Variants in SAMD3 observed in about 807,000 individuals in gnomAD.
The protein encoded by SAMD3 is sterile alpha motif domain-containing protein 3.
A neutral mutation model predicts 58.5 loss-of-function variants in SAMD3; 63 were observed. The ratio of observed to expected loss-of-function variants is 1.08; its 90% CI spans 0.88 to 1.33. SAMD3 has a LOEUF of 1.33. SAMD3 is among the 40% of genes most tolerant of loss of function. The pLI is 0.00. For missense variants in SAMD3, 604 were observed against 608.4 expected, an observed-to-expected ratio of 0.99 and a Z score of 0.08; for synonymous variants, 220 against 210.3, an observed-to-expected ratio of 1.05 and a Z score of -0.40.
intron 2 of SAMD3, among the ~76,000 whole-genome samples, chr6:130,256,238 G>A (rs1176102791): frequency 6.6e-6 from 1 of 151,738 alleles, no homozygotes; most frequent in Non-Finnish European, 1.5e-5. Context: ...CAGGCTTCTT[G>A]TATTTTAGCA....
chr6:130,304,791 T>C (rs185744149), intron 2 of SAMD3, among the ~76,000 whole-genome samples: 5 of 152,268 alleles, frequency 3.3e-5, no homozygotes, highest in Admixed American at 3.3e-4. Flanking sequence ...TCTAAAAAGA[T>C]GGCGTATCAC....
intron 2 of SAMD3, among the ~76,000 whole-genome samples, chr6:130,248,733 C>T (rs1773641598): frequency 6.6e-6 from 1 of 152,128 alleles, no homozygotes; most frequent in African/African-American, 2.4e-5. Flanking sequence ...AGTAATAAGG[C>T]AGGCTCTCCT....
At chr6:130,153,178 G>A (rs1294286973) in intron 9 of SAMD3, among the ~76,000 whole-genome samples, 2 of 147,712 alleles carry the variant, frequency 1.4e-5, no homozygotes, top group Non-Finnish European at 3.0e-5. Flanking sequence ...AAGTTTGACA[G>A]GCTTTTGCTT....
At chr6:130,182,078 A>C (rs77139668) in intron 7 of SAMD3, among the ~76,000 whole-genome samples, 1,576 of 151,682 alleles carry the variant, frequency 0.01, 33 homozygotes, top group African/African-American at 0.034. Context: ...AAAAAAAAAA[A>C]AAAAAAAAAC....
At chr6:130,350,654 A>C (rs1777623906) in intron 1 of SAMD3, among the ~76,000 whole-genome samples, 1 of 152,216 alleles carries the variant, frequency 6.6e-6, no homozygotes, top group African/African-American at 2.4e-5. Context: ...TGCCCAAGGT[A>C]ATTTATAGAT....
Position 130,331,643 on chromosome 6 carries a change from C to T in SAMD3, c.-303-18550G>A, listed in dbSNP as rs372198608. Among the ~76,000 whole-genome samples, 34 of 152,174 alleles carry T rather than the reference C, an allele frequency of 2.2e-4. No individual in the cohort carries two copies. The East Asian group carries it at 4.2e-3, about 19-fold the overall frequency. On this transcript the variant is annotated intron_variant, in intron 1 of 13. Transcript: ENST00000368134. ...CTGAGGCTGGAGAGTCGCTTGAACC[C>T]GGGAGGCCGAGGTTGCAGTGAGCTA...
At chr6:130,230,064 C>A (rs1796499433) in intron 2 of SAMD3, among the ~76,000 whole-genome samples, 2 of 152,134 alleles carry the variant, frequency 1.3e-5, no homozygotes, top group South Asian at 4.1e-4. Flanking sequence ...TTATGTAATA[C>A]AATTTGTGGT....
intron 2 of SAMD3, among the ~76,000 whole-genome samples, chr6:130,311,023 T>G (rs1466839005): frequency 2.0e-5 from 3 of 152,144 alleles, no homozygotes; most frequent in Non-Finnish European, 2.9e-5. Context: ...CTTGGATGTA[T>G]GGCTCCAGCG....
chr6:130,239,419 A>T (rs1773278691), intron 2 of SAMD3, among the ~76,000 whole-genome samples: 1 of 152,182 alleles, frequency 6.6e-6, no homozygotes, highest in Non-Finnish European at 1.5e-5. Flanking sequence ...TGATGGAAAA[A>T]TTTACAAATA....
intron 1 of SAMD3, among the ~76,000 whole-genome samples, chr6:130,347,601 T>C (rs1777496528): frequency 6.6e-6 from 1 of 152,128 alleles, no homozygotes; most frequent in Admixed American, 6.5e-5. Flanking sequence ...CTACGTCTGA[T>C]TGGTGTACCT....
intron 2 of SAMD3, among the ~76,000 whole-genome samples, chr6:130,260,319 A>G (rs187105945): frequency 5.3e-5 from 8 of 152,324 alleles, no homozygotes; most frequent in South Asian, 2.1e-4. Flanking sequence ...GATGTTATCT[A>G]TAGATTCCAG....
chr6:130,215,405 TTAAGC>T, intron 2 of SAMD3, 111 bp from the exon 3 acceptor site: 3 of 1,224,216 alleles, frequency 2.5e-6, no homozygotes, highest in Non-Finnish European at 3.1e-6. Context: ...CTTCTCAATG[TTAAGC>T]TTTTTTAAAA....
At chr6:130,292,274 T>TC (rs1192045466) in intron 2 of SAMD3, among the ~76,000 whole-genome samples, 2 of 147,522 alleles carry the variant, frequency 1.4e-5, no homozygotes. Flanking sequence ...TTTCTTTCTT[T>TC]TTTTTTTTTT....
At chr6:130,365,803 G>T, upstream of SAMD3, 3 of 985,462 alleles carry the variant, frequency 3.0e-6, no homozygotes, top group Non-Finnish European at 3.6e-6. Context: ...GACGCGGATC[G>T]GCCGGCCTGG....
intron 2 of SAMD3, among the ~76,000 whole-genome samples, chr6:130,232,776 G>T (rs750700462): frequency 9.9e-5 from 15 of 152,134 alleles, no homozygotes; most frequent in African/African-American, 3.6e-4. Context: ...AGCATTTATT[G>T]CTCCTTTATT....
intron 2 of SAMD3, among the ~76,000 whole-genome samples, chr6:130,309,122 A>T (rs182302473): frequency 8.5e-4 from 130 of 152,324 alleles, no homozygotes; most frequent in African/African-American, 3.1e-3. Flanking sequence ...ATTAGACAAG[A>T]GACAGAGTAT....
chr6:130,350,820 A>G (rs964027359), intron 1 of SAMD3, among the ~76,000 whole-genome samples: 1 of 152,226 alleles, frequency 6.6e-6, no homozygotes, highest in Non-Finnish European at 1.5e-5. Flanking sequence ...ACCTGACTTC[A>G]AACTATACTA....
intron 2 of SAMD3, among the ~76,000 whole-genome samples, chr6:130,238,884 G>A (rs944087201): frequency 6.6e-6 from 1 of 152,010 alleles, no homozygotes; most frequent in African/African-American, 2.4e-5. Context: ...TCAGCCTCCC[G>A]AGTAGCTGGG....
rs150107741 is a variant in SAMD3, at chr6:130,267,526, C to T, written c.-187-44713G>A. 1.8e-3 allele frequency among the ~76,000 whole-genome samples: 274 copies of T among 152,248 alleles called. 2 individuals carry two copies. Among genetic ancestry groups the T allele is most frequent in the African/African-American group, 6.4e-3 (265 of 41,536 alleles). On this transcript the variant is annotated intron_variant, in intron 2 of 13. Transcript: ENST00000368134. ...AAATGAGAGAACAGAGACAGACCCT[C>T]TCATACTGTTTTATATTGTTTTATA...
Sources: allele counts gnomAD v4.1 joint callset (sites outside exome capture counted in the v4.1 genomes callset), GRCh38; gene constraint gnomAD v4.1.1; transcripts MANE v1.5; gene names NCBI Gene and HGNC (gene_info 2026-07-23, HGNC 2026-07-21).